ARHGAP32: variants seen among roughly 807,000 people sequenced by gnomAD.
ARHGAP32 encodes the protein Rho GTPase activating protein 32.
ARHGAP32 carries 51 observed loss-of-function variants against 186.5 expected under a neutral mutation model. The ratio of observed to expected loss-of-function variants is 0.27; its 90% confidence interval spans 0.22 to 0.35. ARHGAP32 has a LOEUF of 0.35. ARHGAP32 is among the 10% of genes least tolerant of loss of function. The pLI is 1.00. For missense variants in ARHGAP32, 2,186 were observed against 2,623.5 expected, an observed-to-expected ratio of 0.83 and a Z score of 3.64; for synonymous variants, 950 against 964.3, an observed-to-expected ratio of 0.99 and a Z score of 0.27.
chr11:129,238,676 C>T (rs1209852266), intron 1 of ARHGAP32, among the ~76,000 whole-genome samples: 1 of 151,844 alleles, frequency 6.6e-6, no homozygotes, highest in East Asian at 1.9e-4. Context: ...CCAGGAGTTC[C>T]AGGGCAGCCT....
intron 12 of ARHGAP32, among the ~76,000 whole-genome samples, chr11:128,992,352 A>G (rs1348893349): frequency 6.6e-6 from 1 of 152,046 alleles, no homozygotes; most frequent in Non-Finnish European, 1.5e-5. Context: ...TCAGTTTTAA[A>G]TATGTACACC....
chr11:129,178,001 T>C (rs1410599362), intron 1 of ARHGAP32, among the ~76,000 whole-genome samples: 2 of 151,210 alleles, frequency 1.3e-5, no homozygotes, highest in Non-Finnish European at 3.0e-5. Context: ...GAAGTCAAAT[T>C]GTCCCTGTTT....
intron 10 of ARHGAP32, among the ~76,000 whole-genome samples, chr11:129,046,542 G>T (rs367587819): frequency 1.3e-5 from 2 of 152,144 alleles, no homozygotes; most frequent in African/African-American, 4.8e-5. Context: ...GATGTAAAGG[G>T]AACAGACTGT....
rs540692932 is a variant in ARHGAP32, at chr11:129,248,774, G to A, written c.-5+30372C>T. On this transcript the variant is annotated intron_variant, in intron 1 of 6. Transcript: ENST00000525234. ...GTACACGTGCTTCCCCATCAGTACT[G>A]CTGATGACTCAAGCTAGAGTTAACT... is the stretch of plus-strand genomic sequence containing the variant. Among the ~76,000 whole-genome samples, 3 of 152,216 alleles carry A rather than the reference G, an allele frequency of 2.0e-5. No individual in the cohort carries two copies. The East Asian group carries it at 5.8e-4, about 29-fold the overall frequency.
intron 10 of ARHGAP32, among the ~76,000 whole-genome samples, chr11:129,056,748 C>T (rs796962310): frequency 3.3e-5 from 5 of 152,286 alleles, no homozygotes; most frequent in African/African-American, 1.2e-4. Context: ...TCGAGCTGAG[C>T]AGAGCTGCAA....
chr11:129,248,929 T>A, intron 1 of ARHGAP32, among the ~76,000 whole-genome samples: 1 of 152,208 alleles, frequency 6.6e-6, no homozygotes. Flanking sequence ...AGGCATGGTC[T>A]CTGTCCTCAT....
intron 11 of ARHGAP32, among the ~76,000 whole-genome samples, chr11:129,000,272 G>A (rs1946319430): frequency 6.6e-6 from 1 of 152,102 alleles, no homozygotes; most frequent in Non-Finnish European, 1.5e-5. Flanking sequence ...ACATTAGAAA[G>A]ACAACTAAAA....
Position 129,111,747 on chromosome 11 carries a change from T to A in ARHGAP32, c.444+11699A>T, listed in dbSNP as rs186701892. Among the ~76,000 whole-genome samples the A allele has an allele frequency of 2.6e-4, 40 of 152,152 alleles. No individual in the cohort carries two copies. In the East Asian group the frequency reaches 7.8e-3, roughly 30 times the overall value. On this transcript the variant is annotated intron_variant, in intron 5 of 22. Coordinates refer to ENST00000682385, the MANE Select transcript of ARHGAP32 (RefSeq NM_001378024.1). ...CGTAGCATCCATTGTAATGTCTATT[T>A]TTCTTTTATTTTTTCCCCCTTTCTT...
chr11:129,072,900 C>T (rs7927891), intron 6 of ARHGAP32, among the ~76,000 whole-genome samples: 1,671 of 152,290 alleles, frequency 0.011, 34 homozygotes, highest in African/African-American at 0.038. Flanking sequence ...TTACCACAGC[C>T]TCATTTTCTG....
At chr11:129,088,114 TA>T (rs1374199298) in intron 6 of ARHGAP32, among the ~76,000 whole-genome samples, 1 of 152,222 alleles carries the variant, frequency 6.6e-6, no homozygotes, top group Non-Finnish European at 1.5e-5. Flanking sequence ...GCAAAAAGTC[TA>T]ATCTTTTATA....
intron 1 of ARHGAP32, among the ~76,000 whole-genome samples, chr11:129,191,649 A>AGCAG (rs1249869345): frequency 8.0e-5 from 10 of 125,754 alleles, no homozygotes; most frequent in Non-Finnish European, 1.4e-4. Flanking sequence ...AGGCAAACAA[A>AGCAG]GCAGGCAGGC....
intron 2 of ARHGAP32, among the ~76,000 whole-genome samples, chr11:129,158,401 A>G (rs896075651): frequency 6.6e-6 from 1 of 151,990 alleles, no homozygotes; most frequent in Non-Finnish European, 1.5e-5. Context: ...GAAGGCAAAA[A>G]AAAAAAAAAA....
intron 1 of ARHGAP32, among the ~76,000 whole-genome samples, chr11:129,236,330 G>C (rs1944934616): frequency 6.6e-6 from 1 of 152,102 alleles, no homozygotes; most frequent in South Asian, 2.1e-4. Flanking sequence ...GTGATGTTGA[G>C]CATTTTTCCA....
In ARHGAP32 at chr11:129,123,650, C is replaced by T. The variant is rs1341896526; in HGVS notation, c.360-120G>A. 1.1e-5 allele frequency: 10 copies of T among 871,408 alleles called. No individual in the cohort carries two copies. Among genetic ancestry groups the T allele is most frequent in the East Asian group, 5.3e-5 (2 of 37,478 alleles). 54.0% of individuals were successfully genotyped at this position (871,408 alleles called of 1,614,324 possible). A position where few individuals can be genotyped will look rare whatever the true frequency, so the allele number is the denominator to read the frequency against. ...AGCAAAAATATTTCGTAAGCACATGCGCATGAGCCACACATATCCGCACAA... is the reference window on the plus strand; with the variant it reads ...AGCAAAAATATTTCGTAAGCACATGTGCATGAGCCACACATATCCGCACAA... On this transcript the variant is annotated intron_variant, in intron 4 of 22. Coordinates refer to ENST00000682385, the MANE Select transcript of ARHGAP32 (RefSeq NM_001378024.1). The surrounding 1 kb of genome is among the most constrained non-coding windows in gnomAD (Gnocchi z 4.6).
intron 1 of ARHGAP32, among the ~76,000 whole-genome samples, chr11:129,227,550 T>C (rs1418269937): frequency 6.7e-6 from 1 of 149,556 alleles, no homozygotes; most frequent in African/African-American, 2.4e-5. Context: ...TATAAAGACA[T>C]GAATAGGTTG....
At chr11:129,267,483 T>C (rs1392314332) in intron 1 of ARHGAP32, among the ~76,000 whole-genome samples, 1 of 152,196 alleles carries the variant, frequency 6.6e-6, no homozygotes, top group Non-Finnish European at 1.5e-5. Context: ...TATTTATCAG[T>C]TAACTTGACT....
chr11:129,075,259 A>G (rs575896571), intron 6 of ARHGAP32, among the ~76,000 whole-genome samples: 2 of 152,310 alleles, frequency 1.3e-5, no homozygotes, highest in South Asian at 4.1e-4. Context: ...AAAGAAATCA[A>G]CTTTAAATAT....
intron 1 of ARHGAP32, among the ~76,000 whole-genome samples, chr11:129,216,669 TAAAAAAAAAAAAA>T (rs201308944): frequency 8.4e-6 from 1 of 119,104 alleles, no homozygotes; most frequent in Admixed American, 9.4e-5. Flanking sequence ...AGACTGTCTT[TAAAAAAAAAAAAA>T]AAAAAAAAAA....
chr11:129,049,505 TTA>T (rs1939950595), intron 10 of ARHGAP32, among the ~76,000 whole-genome samples: 1 of 152,194 alleles, frequency 6.6e-6, no homozygotes, highest in Admixed American at 6.5e-5. Flanking sequence ...AAAAGTTTCC[TTA>T]TATCTCTTTG....
Sources: allele counts gnomAD v4.1 joint callset (sites outside exome capture counted in the v4.1 genomes callset), GRCh38; gene constraint gnomAD v4.1.1; non-coding constraint Gnocchi (gnomAD v3.1); transcripts MANE v1.5; gene names NCBI Gene and HGNC (gene_info 2026-07-23, HGNC 2026-07-21).